The following PHB1 variants were observed in gnomAD, a reference collection of about 807,000 sequenced individuals.
PHB1 encodes prohibitin 1, also known as epididymis luminal protein 215.
At chr17:49,407,108 C>T in the PHB1 span, 121 of 471,402 alleles carry the variant, frequency 2.6e-4, no homozygotes, top group African/African-American at 2.3e-3. Flanking sequence ...GCAAATGGCA[C>T]CGGGGGCTTT....
chr17:49,409,152 A>G, the PHB1 span: 1 of 1,613,368 alleles, frequency 6.2e-7, no homozygotes, highest in Non-Finnish European at 8.5e-7. Context: ...CCAGCATCAA[A>G]GCGAGCCTGG....
At chr17:49,411,246 G>A in the PHB1 span, among the ~76,000 whole-genome samples, 1 of 147,248 alleles carries the variant, frequency 6.8e-6, no homozygotes, top group African/African-American at 2.5e-5. Flanking sequence ...TGTTGCCCAG[G>A]CTGCAGTGAA....
At chr17:49,404,753 C>A in the PHB1 span, 1 of 549,992 alleles carries the variant, frequency 1.8e-6, no homozygotes, top group Non-Finnish European at 3.3e-6. Flanking sequence ...TTTGCATAGG[C>A]ACTTGGCAAT....
At chr17:49,406,926 G>A in the PHB1 span, 3 of 1,074,590 alleles carry the variant, frequency 2.8e-6, no homozygotes, top group African/African-American at 4.7e-5. Context: ...GGGCTCCATG[G>A]CCGCTGGAAG....
the PHB1 span, chr17:49,412,591 A>C: frequency 6.5e-6 from 1 of 152,688 alleles, no homozygotes; most frequent in African/African-American, 2.4e-5. Context: ...GAATTAAAGG[A>C]GGTCCTACAG....
At chr17:49,409,537 TTTTTTG>T in the PHB1 span, 1 of 1,077,336 alleles carries the variant, frequency 9.3e-7, no homozygotes, top group Non-Finnish European at 1.3e-6. Context: ...CAAGTGTTTT[TTTTTTG>T]TTTTTTTTTT....
chr17:49,405,353 G>A, the PHB1 span: 16 of 653,368 alleles, frequency 2.4e-5, no homozygotes, highest in East Asian at 5.5e-5. Context: ...CGGGGGAAGC[G>A]GGGGGAAGCA....
chr17:49,406,276 T>C, the PHB1 span, among the ~76,000 whole-genome samples: 2 of 152,228 alleles, frequency 1.3e-5, no homozygotes, highest in Admixed American at 1.3e-4. Context: ...TAAATGAACA[T>C]GTCTTTGCAA....
chr17:49,414,023 G>GT, the PHB1 span, among the ~76,000 whole-genome samples: 1 of 152,134 alleles, frequency 6.6e-6, no homozygotes, highest in Non-Finnish European at 1.5e-5. Context: ...TGTGCTACAT[G>GT]TTGATGCCAA....
chr17:49,410,566 T>C, the PHB1 span, among the ~76,000 whole-genome samples: 1 of 152,166 alleles, frequency 6.6e-6, no homozygotes, highest in Non-Finnish European at 1.5e-5. Context: ...GACAGGGCAA[T>C]GCTAAGAATT....
the PHB1 span, chr17:49,408,624 C>T: frequency 0.06 from 9,712 of 161,840 alleles, 674 homozygotes; most frequent in African/African-American, 0.17. Flanking sequence ...CACTGAGCTT[C>T]GGACTGTAAA....
chr17:49,413,515 T>TC, the PHB1 span, among the ~76,000 whole-genome samples: 2 of 150,780 alleles, frequency 1.3e-5, no homozygotes, highest in Non-Finnish European at 3.0e-5. Context: ...TTCTTTCCTT[T>TC]TTTTTTTTTT....
At chr17:49,407,978 C>T in the PHB1 span, among the ~76,000 whole-genome samples, 1 of 152,252 alleles carries the variant, frequency 6.6e-6, no homozygotes, top group Non-Finnish European at 1.5e-5. Context: ...TAATTTTCTT[C>T]TCACACCTTA....
At chr17:49,404,532 A>G in the PHB1 span, 1 of 243,754 alleles carries the variant, frequency 4.1e-6, no homozygotes, top group Non-Finnish European at 8.1e-6. Context: ...CTGCACAGGA[A>G]CCGCTGGGAA....
the PHB1 span, among the ~76,000 whole-genome samples, chr17:49,408,226 C>A: frequency 6.6e-6 from 1 of 152,188 alleles, no homozygotes; most frequent in African/African-American, 2.4e-5. Flanking sequence ...TGGAGCAGTG[C>A]CCAGGGGTTA....
the PHB1 span, chr17:49,408,973 G>A: frequency 4.2e-6 from 4 of 957,838 alleles, no homozygotes; most frequent in East Asian, 9.6e-5. Context: ...CGTCTACCCA[G>A]AAATGGAGCC....
At chr17:49,413,246 C>CA in the PHB1 span, 1 of 1,609,108 alleles carries the variant, frequency 6.2e-7, no homozygotes, top group Non-Finnish European at 8.5e-7. Flanking sequence ...CCAATGGACT[C>CA]AAACACTTTG....
chr17:49,408,412 CCCT>C, the PHB1 span, among the ~76,000 whole-genome samples: 3 of 152,186 alleles, frequency 2.0e-5, no homozygotes, highest in African/African-American at 7.2e-5. Flanking sequence ...CTTCCCCTCA[CCCT>C]CCTCAACCTG....
the PHB1 span, chr17:49,407,581 GA>G: frequency 6.6e-6 from 1 of 152,232 alleles, no homozygotes; most frequent in Non-Finnish European, 1.5e-5. Context: ...CAAACAATGG[GA>G]AGGGACCTCA....
Sources: allele counts gnomAD v4.1 joint callset (sites outside exome capture counted in the v4.1 genomes callset), GRCh38; gene constraint gnomAD v4.1.1; transcripts MANE v1.5; gene names NCBI Gene and HGNC (gene_info 2026-07-23, HGNC 2026-07-21).